SRBD1: variants seen among roughly 807,000 people sequenced by gnomAD.
The protein encoded by SRBD1 is S1 RNA binding domain 1, also known as S1 RNA-binding domain-containing protein 1.
Under a neutral mutation model 115.3 loss-of-function variants are expected in SRBD1, and 88 were observed. The ratio of observed to expected loss-of-function variants is 0.76; its 90% CI spans 0.64 to 0.91. The LOEUF is 0.91. SRBD1 is among the 40% of genes least tolerant of loss of function. The pLI is 0.00. For missense variants in SRBD1, 1,385 were observed against 1,177.4 expected (o/e 1.18, Z -2.58); for synonymous variants, 509 against 407.7 (o/e 1.25, Z -2.99).
intron 15 of SRBD1, among the ~76,000 whole-genome samples, chr2:45,481,545 G>A (rs1001240659): frequency 2.0e-5 from 3 of 152,102 alleles, no homozygotes; most frequent in Non-Finnish European, 2.9e-5. Context: ...GGACAGCAAA[G>A]TAATAGAAGT....
At chr2:45,545,466 G>A (rs1013811331) in intron 14 of SRBD1, among the ~76,000 whole-genome samples, 1 of 151,916 alleles carries the variant, frequency 6.6e-6, no homozygotes, top group Non-Finnish European at 1.5e-5. Context: ...TGATTTGAAA[G>A]TTGTACTTAT....
At position 45,586,987 on chromosome 2, in the gene SRBD1, TA is replaced by T. The variant is rs1398295879; in HGVS notation, c.649-1214del. Among the ~76,000 whole-genome samples, 31 of 46,638 alleles carry T rather than the reference TA, an allele frequency of 6.6e-4. No individual in the cohort carries two copies. The East Asian group carries it at 7.3e-3, about 11-fold the overall frequency. 30.6% of individuals were successfully genotyped at this position (46,638 alleles called of 152,430 possible). On this transcript the variant is annotated intron_variant, in intron 4 of 20. Transcript: ENST00000263736. Reference sequence around the variant, plus strand: ...TTATAAATATTAAAATATTTAAAATTATTTTAAATATTTAATTATTTTAAAT... The same window carrying T: ...TTATAAATATTAAAATATTTAAAATTTTTTAAATATTTAATTATTTTAAAT...
At chr2:45,526,585 T>A (rs1671449791) in intron 14 of SRBD1, among the ~76,000 whole-genome samples, 1 of 151,890 alleles carries the variant, frequency 6.6e-6, no homozygotes, top group African/African-American at 2.4e-5. Flanking sequence ...AATTATATAC[T>A]TCAAATAGGT....
intron 20 of SRBD1, among the ~76,000 whole-genome samples, chr2:45,391,453 T>A (rs1211244350): frequency 6.6e-6 from 1 of 152,082 alleles, no homozygotes; most frequent in Non-Finnish European, 1.5e-5. Context: ...AGATGTAACA[T>A]AAAATATCAT....
chr2:45,544,679 G>T (rs978300669), intron 14 of SRBD1, among the ~76,000 whole-genome samples: 1 of 152,066 alleles, frequency 6.6e-6, no homozygotes, highest in Non-Finnish European at 1.5e-5. Context: ...TTGCATCAAG[G>T]TGAAAATAAA....
intron 14 of SRBD1, among the ~76,000 whole-genome samples, chr2:45,524,978 T>C (rs763383754): frequency 8.6e-5 from 13 of 151,936 alleles, no homozygotes; most frequent in Non-Finnish European, 1.9e-4. Flanking sequence ...AGTTTACAAA[T>C]AAACACACAT....
intron 19 of SRBD1, among the ~76,000 whole-genome samples, chr2:45,412,751 G>C (rs545892619): frequency 6.6e-6 from 1 of 152,168 alleles, no homozygotes; most frequent in African/African-American, 2.4e-5. Flanking sequence ...AGAAAGCTGA[G>C]TTGGTTGTTT....
chr2:45,392,634 C>T (rs547137716), intron 20 of SRBD1, among the ~76,000 whole-genome samples: 1 of 152,276 alleles, frequency 6.6e-6, no homozygotes, highest in East Asian at 1.9e-4. Flanking sequence ...GAGATAAAGA[C>T]AACTTACAAA....
chr2:45,396,394 A>G (rs1325100619), intron 19 of SRBD1, among the ~76,000 whole-genome samples: 1 of 152,226 alleles, frequency 6.6e-6, no homozygotes, highest in Admixed American at 6.5e-5. Context: ...AATTCTTTCA[A>G]AAGTCAATGA....
At chr2:45,468,678 G>A (rs751567716) in intron 16 of SRBD1, among the ~76,000 whole-genome samples, 17 of 152,002 alleles carry the variant, frequency 1.1e-4, no homozygotes, top group East Asian at 9.6e-4. Flanking sequence ...GTGAGCCACC[G>A]TGCCCAGTCT....
At chr2:45,457,192 C>T (rs1669181107) in intron 16 of SRBD1, among the ~76,000 whole-genome samples, 1 of 151,902 alleles carries the variant, frequency 6.6e-6, no homozygotes, top group African/African-American at 2.4e-5. Context: ...CAAAGAAGGC[C>T]ACTGGAATAA....
chr2:45,393,988 A>G (rs1456212679), intron 19 of SRBD1, among the ~76,000 whole-genome samples: 1 of 152,220 alleles, frequency 6.6e-6, no homozygotes, highest in Non-Finnish European at 1.5e-5. Context: ...TGAGCCTCAT[A>G]TAAACTAAAT....
At chr2:45,420,463 C>G (rs896050095) in intron 16 of SRBD1, among the ~76,000 whole-genome samples, 2 of 152,180 alleles carry the variant, frequency 1.3e-5, no homozygotes, top group African/African-American at 4.8e-5. Context: ...TTATATACCA[C>G]TAAGGAAGAA....
chr2:45,422,294 C>A (rs567140499), intron 16 of SRBD1, among the ~76,000 whole-genome samples: 3 of 152,286 alleles, frequency 2.0e-5, no homozygotes, highest in Admixed American at 2.0e-4. Flanking sequence ...TCAACCCCTT[C>A]TCCTCCTTTC....
At chr2:45,513,958 A>G (rs1445722093) in intron 14 of SRBD1, among the ~76,000 whole-genome samples, 5 of 152,168 alleles carry the variant, frequency 3.3e-5, no homozygotes, top group African/African-American at 1.2e-4. Flanking sequence ...GGACTTTGAG[A>G]TTTAGAATCA....
In SRBD1 at chr2:45,601,864, G is replaced by A. The variant is rs776996762; in HGVS notation, c.261+39C>T. On this transcript the variant is annotated intron_variant, in intron 3 of 20. Transcript: ENST00000263736. ...AGAAAATAACATCACCAATCAGGAA[G>A]ACACTACAGAGTTCCCTCTATCCAG... 3.2e-5 allele frequency: 51 copies of A among 1,598,758 alleles called. 1 individual carries two copies. The South Asian group carries it at 5.6e-4, about 18-fold the overall frequency.
chr2:45,524,905 A>C (rs1671394918), intron 14 of SRBD1, among the ~76,000 whole-genome samples: 1 of 152,056 alleles, frequency 6.6e-6, no homozygotes, highest in Admixed American at 6.6e-5. Context: ...TGAAACAATA[A>C]AAATCAAGAC....
At chr2:45,581,630 A>G in intron 6 of SRBD1, 63 bp downstream of exon 6, 1 of 1,264,922 alleles carries the variant, frequency 7.9e-7, no homozygotes, top group Non-Finnish European at 1.1e-6. Context: ...TTCTTTAATC[A>G]TAAGAAGACC....
intron 9 of SRBD1, among the ~76,000 whole-genome samples, chr2:45,571,555 A>C (rs1673018271): frequency 6.7e-6 from 1 of 148,726 alleles, no homozygotes. Context: ...GTCCATGAGG[A>C]AGCTTAGACA....
Sources: gnomAD v4.1 joint callset for allele counts (sites outside exome capture counted in the v4.1 genomes callset) on GRCh38, gnomAD v4.1.1 for gene constraint, MANE v1.5 for transcripts, NCBI Gene and HGNC (gene_info 2026-07-23, HGNC 2026-07-21) for gene names.